Variants in PTPN2 observed in about 807,000 individuals in gnomAD.
PTPN2 encodes tyrosine-protein phosphatase non-receptor type 2.
Under a neutral mutation model 57.3 loss-of-function variants are expected in PTPN2, and 19 were observed. The ratio of observed to expected loss-of-function variants is 0.33; its 90% CI spans 0.23 to 0.49. PTPN2 has a LOEUF of 0.49. PTPN2 is among the 20% of genes least tolerant of loss of function. The probability of loss-of-function intolerance (pLI) is 0.99; values close to 1 mark genes in which losing one functional copy is unlikely to be tolerated. For synonymous variants in PTPN2, 153 were observed against 164.9 expected (o/e 0.93, Z 0.55); for missense variants, 358 against 501.1 (o/e 0.71, Z 2.73).
intron 7 of PTPN2, among the ~76,000 whole-genome samples, chr18:12,811,491 A>C (rs1353153400): frequency 6.6e-6 from 1 of 152,058 alleles, no homozygotes; most frequent in East Asian, 1.9e-4. Flanking sequence ...AGAGAGAAAT[A>C]AAAGAGATAT....
At chr18:12,859,337 A>T in intron 1 of PTPN2, 83 bp from the exon 2 acceptor site, 1 of 921,150 alleles carries the variant, frequency 1.1e-6, no homozygotes, top group Non-Finnish European at 1.7e-6. Context: ...GTAAAATAAC[A>T]TGAAGCACTT....
At chr18:12,797,188 T>TC (rs1179765132) in intron 8 of PTPN2, among the ~76,000 whole-genome samples, 1 of 152,172 alleles carries the variant, frequency 6.6e-6, no homozygotes, top group Non-Finnish European at 1.5e-5. Flanking sequence ...GGGGTTAGCC[T>TC]CCCATGGGCC....
intron 2 of PTPN2, among the ~76,000 whole-genome samples, chr18:12,847,981 A>G (rs539681164): frequency 6.6e-6 from 1 of 152,290 alleles, no homozygotes; most frequent in South Asian, 2.1e-4. Flanking sequence ...TCTTTTAGTA[A>G]AAAAGCTGTC....
chr18:12,803,501 C>T (rs1598744510), intron 7 of PTPN2, among the ~76,000 whole-genome samples: 1 of 152,176 alleles, frequency 6.6e-6, no homozygotes, highest in East Asian at 1.9e-4. Context: ...CTACAAGACA[C>T]TCACTTCACC....
intron 1 of PTPN2, among the ~76,000 whole-genome samples, chr18:12,867,660 T>C (rs1313065312): frequency 6.6e-6 from 1 of 152,204 alleles, no homozygotes; most frequent in African/African-American, 2.4e-5. Flanking sequence ...CTTTCAGGAA[T>C]TTCTATCACA....
At chr18:12,812,634 A>G (rs1307457854) in intron 7 of PTPN2, among the ~76,000 whole-genome samples, 1 of 152,168 alleles carries the variant, frequency 6.6e-6, no homozygotes, top group African/African-American at 2.4e-5. Context: ...CATGTGTGGT[A>G]TGTATTTATT....
chr18:12,841,197 C>T (rs1339515423), intron 2 of PTPN2, among the ~76,000 whole-genome samples: 1 of 152,056 alleles, frequency 6.6e-6, no homozygotes, highest in Non-Finnish European at 1.5e-5. Context: ...GCAGAGGGCA[C>T]ATCATAAAGA....
At chr18:12,879,999 C>T (rs953774555) in intron 1 of PTPN2, among the ~76,000 whole-genome samples, 18 of 152,104 alleles carry the variant, frequency 1.2e-4, no homozygotes, top group East Asian at 1.9e-4. Flanking sequence ...ATTGTGTTCC[C>T]GAAATCATTT....
rs1409445563 is a variant in PTPN2 at position 12,836,902 on chromosome 18, A to G, written c.161-11T>C. ...CACGACTGTGATCATCTGAAAATAG[A>G]GAATGATAAACCACAACTGTCATTT... is the stretch of plus-strand genomic sequence containing the variant. On this transcript the variant is annotated splice_polypyrimidine_tract_variant and intron_variant, in intron 2 of 8. Coordinates refer to ENST00000309660, the MANE Select transcript of PTPN2 (RefSeq NM_002828.4). The G allele has an allele frequency of 3.3e-6, 5 of 1,522,534 alleles. No individual in the cohort carries two copies. In the Admixed American group the frequency reaches 6.8e-5, roughly 21 times the overall value. The allele number at this position is 1,522,534 out of a possible 1,614,324, so 94.3% of individuals were successfully genotyped here. A position where few individuals can be genotyped will look rare whatever the true frequency, so the allele number is the denominator to read the frequency against.
chr18:12,855,434 AG>A (rs1190221877), intron 2 of PTPN2, among the ~76,000 whole-genome samples: 2 of 152,138 alleles, frequency 1.3e-5, no homozygotes, highest in Admixed American at 6.5e-5. Flanking sequence ...ATGGGGACGA[AG>A]GATTCGGCTA....
intron 6 of PTPN2, among the ~76,000 whole-genome samples, chr18:12,815,956 G>A (rs1302071050): frequency 3.3e-5 from 5 of 152,262 alleles, no homozygotes; most frequent in South Asian, 2.1e-4. Flanking sequence ...GCATAGCTAC[G>A]TTTTACAGAA....
In PTPN2 at chr18:12,884,224, G is replaced by T; in HGVS notation, c.-83C>A. 1.8e-6 allele frequency: 2 copies of T among 1,118,108 alleles called. No individual in the cohort carries two copies. The highest frequency in any genetic ancestry group is 3.7e-5 in the South Asian group (2 of 53,920). 69.3% of individuals were successfully genotyped at this position (1,118,108 alleles called of 1,614,324 possible). On this transcript the variant is annotated 5_prime_UTR_variant, in exon 1 of 9. Transcript: ENST00000309660. ...CGCACGATCCGGGGAGAGCGCTGGC[G>T]CTGCGGCGCATGCGCGCTGCGCGCC...
intron 1 of PTPN2, chr18:12,863,574 A>T: frequency 7.6e-6 from 1 of 131,500 alleles, no homozygotes; most frequent in South Asian, 2.5e-4. Context: ...GCAAGTGGGG[A>T]CTGTCTTGTG....
chr18:12,872,261 T>G (rs555324149), intron 1 of PTPN2: 1 of 152,118 alleles, frequency 6.6e-6, no homozygotes, highest in African/African-American at 2.4e-5. Flanking sequence ...AGAAGTACTA[T>G]GAAGTAAACT....
intron 7 of PTPN2, among the ~76,000 whole-genome samples, chr18:12,813,538 T>C (rs1252884480): frequency 1.3e-5 from 2 of 152,210 alleles, no homozygotes; most frequent in Non-Finnish European, 2.9e-5. Context: ...AAAGTGCTAG[T>C]AAATATGTTC....
At chr18:12,841,438 A>G (rs1003783395) in intron 2 of PTPN2, among the ~76,000 whole-genome samples, 3 of 152,212 alleles carry the variant, frequency 2.0e-5, no homozygotes, top group Admixed American at 1.3e-4. Flanking sequence ...GACTGAACCA[A>G]GAAGAAGGCA....
chr18:12,798,150 C>T (rs1443306347), intron 8 of PTPN2, among the ~76,000 whole-genome samples: 1 of 152,130 alleles, frequency 6.6e-6, no homozygotes, highest in Non-Finnish European at 1.5e-5. Context: ...AGCATCACAA[C>T]AGAGTAACCT....
chr18:12,854,351 C>A (rs2043503762), intron 2 of PTPN2, among the ~76,000 whole-genome samples: 1 of 122,340 alleles, frequency 8.2e-6, no homozygotes, highest in African/African-American at 3.1e-5. Context: ...CAGAGCCAGA[C>A]CCTGTCTTGA....
At chr18:12,866,765 T>C (rs770789993) in intron 1 of PTPN2, among the ~76,000 whole-genome samples, 1 of 151,998 alleles carries the variant, frequency 6.6e-6, no homozygotes, top group East Asian at 1.9e-4. Flanking sequence ...TCCCAGCACT[T>C]TGGGAGGCCG....
Sources: allele counts gnomAD v4.1 joint callset (sites outside exome capture counted in the v4.1 genomes callset), GRCh38; gene constraint gnomAD v4.1.1; transcripts MANE v1.5; gene names NCBI Gene and HGNC (gene_info 2026-07-23, HGNC 2026-07-21).